CBLC: variants seen among roughly 807,000 people sequenced by gnomAD.
CBLC encodes the protein Cbl proto-oncogene C.
CBLC carries 46 observed loss-of-function variants against 58.6 expected under a neutral mutation model. The observed-to-expected ratio is 0.79, with a 90% CI of 0.62 to 1.00. CBLC has a LOEUF of 1.00. Among genes scored for constraint, CBLC ranks in the 50% least tolerant of loss-of-function variants. The probability of loss-of-function intolerance (pLI) is 0.00; values close to 1 mark genes in which losing one functional copy is unlikely to be tolerated. For missense variants in CBLC, 655 were observed against 625.8 expected (o/e 1.05, Z -0.50); for synonymous variants, 271 against 264.2 (o/e 1.03, Z -0.25).
chr19:44,793,415 C>T (rs1231203374), intron 7 of CBLC, 59 bp from the exon 8 acceptor site: 1 of 1,504,122 alleles, frequency 6.6e-7, no homozygotes, highest in African/African-American at 1.4e-5. Flanking sequence ...CCTCGTTGGC[C>T]CAAGGGACAG....
chr19:44,783,716 G>C (rs976504355), intron 4 of CBLC, among the ~76,000 whole-genome samples: 1 of 152,090 alleles, frequency 6.6e-6, no homozygotes, highest in Admixed American at 6.6e-5. Context: ...GAAGCCTAGG[G>C]TGTGGGTTTC....
chr19:44,792,620 C>T, intron 7 of CBLC, 106 bp downstream of exon 7: 1 of 1,223,072 alleles, frequency 8.2e-7, no homozygotes, highest in Admixed American at 2.8e-5. Flanking sequence ...AAACCGAAGG[C>T]CAGAGAGGGC....
At chr19:44,783,465 C>T (rs963769959) in intron 4 of CBLC, among the ~76,000 whole-genome samples, 8 of 151,668 alleles carry the variant, frequency 5.3e-5, no homozygotes, top group African/African-American at 7.3e-5. Context: ...GCCAAGATCA[C>T]GCCATTGCAC....
chr19:44,792,475 C>A lies in CBLC; in HGVS notation c.1098C>A (p.Cys366Ter). 1 of 1,610,354 alleles carries A rather than the reference C, an allele frequency of 6.2e-7. No homozygotes were observed. Among genetic ancestry groups the A allele is most frequent in the East Asian group, 2.2e-5 (1 of 44,608 alleles). Residue 366 changes from cysteine to a stop codon, truncating the protein, a stop_gained, in exon 7 of 11, where the codon TGC becomes TGA. Transcript: ENST00000647358. LOFTEE classifies it high-confidence loss of function. ...ESNKDVKIEP[C>*]GHLLCSCCLA... ...ACAAGGATGTGAAGATTGAGCCGTG[C>A]GGGCACCTGCTCTGCAGCTGCTGCC... is the stretch of plus-strand genomic sequence containing the variant.
At chr19:44,788,948 G>A (rs554686784) in intron 5 of CBLC, among the ~76,000 whole-genome samples, 1 of 152,236 alleles carries the variant, frequency 6.6e-6, no homozygotes, top group Non-Finnish European at 1.5e-5. Flanking sequence ...GTGGGGCCCA[G>A]GTCAGGGATC....
At chr19:44,790,289 G>A (rs896374328) in intron 6 of CBLC, among the ~76,000 whole-genome samples, 198 bp downstream of exon 6, 2 of 152,072 alleles carry the variant, frequency 1.3e-5, no homozygotes, top group Non-Finnish European at 2.9e-5. Flanking sequence ...TGATCACGGG[G>A]ATTAAATAAG....
Position 44,794,151 on chromosome 19 carries a change from G to A in CBLC, c.1285-53G>A, listed in dbSNP as rs372039070. On this transcript the variant is annotated intron_variant, in intron 8 of 10. Transcript: ENST00000647358. ...GTCCCAGGCAGGAGAACATGGAGGC[G>A]AGAAGAAAATGGCAGCTCACAAGCC... 42 of 1,570,246 alleles carry A rather than the reference G, an allele frequency of 2.7e-5. No homozygotes were observed. The African/African-American group carries it at 3.0e-4, about 11-fold the overall frequency.
At chr19:44,787,991 ATC>A in intron 5 of CBLC, among the ~76,000 whole-genome samples, 1 of 151,916 alleles carries the variant, frequency 6.6e-6, no homozygotes, top group East Asian at 1.9e-4. Context: ...CCGACAAGGT[ATC>A]ACTATGTTGT....
chr19:44,783,708 A>G (rs963678042), intron 4 of CBLC, among the ~76,000 whole-genome samples: 1 of 152,096 alleles, frequency 6.6e-6, no homozygotes, highest in Admixed American at 6.6e-5. Flanking sequence ...AAAGAAAAGA[A>G]GCCTAGGGTG....
chr19:44,797,478 T>G (rs1292225022), intron 9 of CBLC, among the ~76,000 whole-genome samples: 1 of 151,962 alleles, frequency 6.6e-6, no homozygotes, highest in Non-Finnish European at 1.5e-5. Context: ...CTTGAACTCC[T>G]TACCTCCGGT....
intron 9 of CBLC, among the ~76,000 whole-genome samples, chr19:44,799,077 G>A (rs925339726): frequency 4.6e-5 from 7 of 152,284 alleles, no homozygotes; most frequent in Admixed American, 3.9e-4. Context: ...CCTTGTTCAG[G>A]AGCTGATCAG....
chr19:44,785,232 C>T (rs1186390281), intron 5 of CBLC, among the ~76,000 whole-genome samples: 9 of 151,606 alleles, frequency 5.9e-5, no homozygotes, highest in Non-Finnish European at 1.3e-4. Flanking sequence ...ACCTCGGCCT[C>T]CCAAAATGCT....
chr19:44,795,193 G>A (rs1350294891), intron 9 of CBLC, among the ~76,000 whole-genome samples: 1 of 151,686 alleles, frequency 6.6e-6, no homozygotes, highest in African/African-American at 2.4e-5. Flanking sequence ...CCTGCCCTCA[G>A]CTGATCCACC....
In CBLC at chr19:44,780,906, C is replaced by T. The variant is rs372975672; in HGVS notation, c.355C>T (p.Arg119Ter). The T allele has an allele frequency of 4.7e-5, 75 of 1,611,484 alleles. No individual in the cohort carries two copies. Among genetic ancestry groups the T allele is most frequent in the Middle Eastern group, 1.6e-4 (1 of 6,084 alleles). ...ELFRAGSRLR[R>*]QLAKLAIIFS... is the part of the protein sequence containing the mutation. ...CAGAGTCCTTGCCCATCCCCACAGG[C>T]GACAGCTGGCCAAGCTGGCCATCAT... The change falls in exon 2 of 11, where the codon CGA (arginine) becomes TGA (stop). Residue 119 changes from arginine to a stop codon, truncating the protein, a stop_gained and splice_region_variant. Transcript: ENST00000647358. LOFTEE classifies it high-confidence loss of function.
Position 44,781,071 on chromosome 19 carries a change from C to G in CBLC, c.500+20C>G, listed in dbSNP as rs1395434576. 6.2e-7 allele frequency: 1 copy of G among 1,605,846 alleles called. No individual in the cohort carries two copies. The highest frequency in any genetic ancestry group is 2.1e-4 in the Middle Eastern group (1 of 4,874). On this transcript the variant is annotated intron_variant, in intron 2 of 10. Transcript: ENST00000647358. ...AGCCCGGTGAGTAAGCCCTTGTCCT[C>G]AGCTCCCGGAGCCCCATCCTGCCCT...
At position 44,785,456 on chromosome 19, in the gene CBLC, T is replaced by C. The variant is rs117583705; in HGVS notation, c.917+1055T>C. Among the ~76,000 whole-genome samples the C allele has an allele frequency of 7.3e-3, 1,104 of 151,966 alleles. 4 individuals carry two copies. The highest frequency in any genetic ancestry group is 0.027 in the Middle Eastern group (8 of 294). ...TTCACCTTTAGCCAGAATTTTCTTA[T>C]CAGTCATATCTATATGACTACTGAC... is the stretch of plus-strand genomic sequence containing the variant. On this transcript the variant is annotated intron_variant, in intron 5 of 10. Coordinates refer to ENST00000647358, the MANE Select transcript of CBLC (RefSeq NM_012116.4).
intron 9 of CBLC, among the ~76,000 whole-genome samples, chr19:44,795,655 A>G (rs192728053): frequency 6.6e-6 from 1 of 151,948 alleles, no homozygotes; most frequent in East Asian, 1.9e-4. Context: ...AGAAAAGATG[A>G]AAATAGCACC....
At position 44,789,179 on chromosome 19, in the gene CBLC, G is replaced by A. The variant is rs535186456; in HGVS notation, c.918-825G>A. Among the ~76,000 whole-genome samples the A allele has an allele frequency of 7.9e-5, 12 of 152,220 alleles. No individual in the cohort carries two copies. The South Asian group carries it at 8.3e-4, about 11-fold the overall frequency. On this transcript the variant is annotated intron_variant, in intron 5 of 10. Coordinates refer to ENST00000647358, the MANE Select transcript of CBLC (RefSeq NM_012116.4). ...GATCTCGCCTACAACCCTGGTTCTCGGTCTCTCTGGTCCTTGCTGTGTGAC... is the reference window on the plus strand; with the variant it reads ...GATCTCGCCTACAACCCTGGTTCTCAGTCTCTCTGGTCCTTGCTGTGTGAC...
chr19:44,796,858 C>T (rs1005513551), intron 9 of CBLC, among the ~76,000 whole-genome samples: 28 of 144,518 alleles, frequency 1.9e-4, no homozygotes, highest in African/African-American at 6.0e-4. Context: ...TCAGGAAGTC[C>T]GGGAACATTA....
Sources: gnomAD v4.1 joint callset for allele counts (sites outside exome capture counted in the v4.1 genomes callset) on GRCh38, gnomAD v4.1.1 for gene constraint, MANE v1.5 for transcripts, NCBI Gene and HGNC (gene_info 2026-07-23, HGNC 2026-07-21) for gene names.